GNAO1: variants seen among roughly 807,000 people sequenced by gnomAD.
The protein encoded by GNAO1 is guanine nucleotide-binding protein G(o) subunit alpha.
For missense variants in GNAO1, 166 were observed against 478.7 expected, an observed-to-expected ratio of 0.35 and a Z score of 6.10; for synonymous variants, 164 against 180.7, an observed-to-expected ratio of 0.91 and a Z score of 0.74.
In GNAO1 at chr16:56,192,285, A is replaced by G; in HGVS notation, c.50A>G (p.Lys17Arg). 1 of 1,611,638 alleles carries G rather than the reference A, an allele frequency of 6.2e-7. No individual in the cohort carries two copies. The highest frequency in any genetic ancestry group is 8.5e-7 in the Non-Finnish European group (1 of 1,178,868). The change falls in exon 1 of 9, where the codon AAG becomes AGG. Residue 17 changes from lysine (K) to arginine (R), a missense_variant. By Grantham distance (26) the Lys-to-Arg change is conservative (BLOSUM62 2). Coordinates refer to ENST00000262493, the MANE Select transcript of GNAO1 (RefSeq NM_020988.3). ...GAGAGAGCCGCCCTCGAGCGGAGCA[A>G]GGCGATTGAGAAAAACCTCAAAGAG... ...AEERAALERS[K>R]AIEKNLKEDG...
chr16:56,277,893 TC>T (rs2037078442), intron 3 of GNAO1, among the ~76,000 whole-genome samples: 1 of 150,226 alleles, frequency 6.7e-6, no homozygotes, highest in South Asian at 2.1e-4. Flanking sequence ...AGCCAGCTCT[TC>T]CTAAAAATCT....
chr16:56,326,967 G>A lies in GNAO1; in HGVS notation c.304-1664G>A, dbSNP rs1006887832. ...ATCATAGAGGCTGGGCCTGGAGTCC[G>A]AAGGCACCTCATCTTGAGTCCCACC... On this transcript the variant is annotated intron_variant, in intron 3 of 8. Coordinates refer to ENST00000262493, the MANE Select transcript of GNAO1 (RefSeq NM_020988.3). This position sits in a 1 kb window ranked among gnomAD's most constrained non-coding sequence, Gnocchi z 4.8. 1.3e-5 allele frequency among the ~76,000 whole-genome samples: 2 copies of A among 152,168 alleles called. No individual in the cohort carries two copies. The highest frequency in any genetic ancestry group is 1.9e-4 in the East Asian group (1 of 5,178).
At chr16:56,253,036 C>T (rs1160747583) in intron 2 of GNAO1, among the ~76,000 whole-genome samples, 1 of 152,220 alleles carries the variant, frequency 6.6e-6, no homozygotes, top group Admixed American at 6.5e-5. Context: ...GGGAGCTGCC[C>T]TCGGCTAACC....
At chr16:56,239,294 A>G (rs1161294948) in intron 2 of GNAO1, among the ~76,000 whole-genome samples, 2 of 152,238 alleles carry the variant, frequency 1.3e-5, no homozygotes, top group African/African-American at 4.8e-5. Flanking sequence ...AAACCATGCA[A>G]AGTTGCATTG....
At position 56,345,264 on chromosome 16, in the gene GNAO1, G is replaced by T. The variant is rs1024520583; in HGVS notation, c.724-6120G>T. The T allele has an allele frequency of 9.1e-6, 9 of 985,534 alleles. No individual in the cohort carries two copies. The African/African-American group carries it at 1.4e-4, about 15-fold the overall frequency. The allele number at this position is 985,534 out of a possible 1,614,324, so 61.0% of individuals were successfully genotyped here. A position where few individuals can be genotyped will look rare whatever the true frequency, so the allele number is the denominator to read the frequency against. On this transcript the variant is annotated intron_variant, in intron 6 of 8. Coordinates refer to ENST00000262493, the MANE Select transcript of GNAO1 (RefSeq NM_020988.3). ...CCACACCCAGGCCAGTCGTGTGCTT[G>T]TACAGCAGGCTGTGCCTGGGGACCT...
chr16:56,354,742 C>G lies in GNAO1; in HGVS notation c.878-124C>G. 3.3e-6 allele frequency: 2 copies of G among 612,598 alleles called. No individual in the cohort carries two copies. Among genetic ancestry groups the G allele is most frequent in the Non-Finnish European group, 5.8e-6 (2 of 342,584 alleles). The allele number at this position is 612,598 out of a possible 1,614,324, so 37.9% of individuals were successfully genotyped here. A position where few individuals can be genotyped will look rare whatever the true frequency, so the allele number is the denominator to read the frequency against. The stretch of plus-strand genomic sequence containing the variant: ...GAACTGCCCAGCAGTTCCTACTGCT[C>G]CCTTCCTGTCTCATCCCACTTCCTG... On this transcript the variant is annotated intron_variant, in intron 7 of 8. Coordinates refer to ENST00000262493, the MANE Select transcript of GNAO1 (RefSeq NM_020988.3). This position sits in a 1 kb window ranked among gnomAD's most constrained non-coding sequence, Gnocchi z 4.3.
At chr16:56,342,860 C>G (rs2143681478) in intron 6 of GNAO1, among the ~76,000 whole-genome samples, 1 of 152,336 alleles carries the variant, frequency 6.6e-6, no homozygotes, top group South Asian at 2.1e-4. Flanking sequence ...CACCTGTAAT[C>G]CCAGCACTTT....
At chr16:56,280,790 AG>A (rs1266157987) in intron 3 of GNAO1, among the ~76,000 whole-genome samples, 4 of 152,334 alleles carry the variant, frequency 2.6e-5, no homozygotes, top group Non-Finnish European at 5.9e-5. Context: ...GAAAGCCAGG[AG>A]GCCGGGTGGG....
chr16:56,347,400 G>A (rs7205545), intron 6 of GNAO1: 320,372 of 984,970 alleles, frequency 0.33, 53,880 homozygotes, highest in African/African-American at 0.55. Context: ...CAGGGCCGGC[G>A]TGTGAGCTGC....
At chr16:56,328,959 C>G in intron 4 of GNAO1, 168 bp downstream of exon 4, 1 of 640,836 alleles carries the variant, frequency 1.6e-6, no homozygotes, top group Non-Finnish European at 2.7e-6. Context: ...GAAGGGGCCT[C>G]TCTTCCTGCA....
At chr16:56,227,687 CAAAAAAAAA>C (rs386384777) in intron 2 of GNAO1, among the ~76,000 whole-genome samples, 2 of 61,954 alleles carry the variant, frequency 3.2e-5, no homozygotes, top group African/African-American at 6.1e-5. Context: ...GACCCTGTCT[CAAAAAAAAA>C]AAAAAAAAAA....
intron 6 of GNAO1, chr16:56,344,338 T>A: frequency 9.4e-7 from 1 of 1,064,450 alleles, no homozygotes; most frequent in African/African-American, 1.6e-5. Flanking sequence ...CAGATGGCCC[T>A]GCAGCAGGGT....
intron 2 of GNAO1, among the ~76,000 whole-genome samples, chr16:56,249,325 G>A (rs1220323838): frequency 6.6e-6 from 1 of 152,148 alleles, no homozygotes. Context: ...GAAGTTCATG[G>A]CAGGTGCTGC....
In GNAO1 at chr16:56,356,541, C is replaced by T. The variant is rs933982237; in HGVS notation, c.*467C>T. On this transcript the variant is annotated 3_prime_UTR_variant, in exon 9 of 9. Transcript: ENST00000262493. ...CCGGGCTTTCCAGAAGGCCACAGGC[C>T]ACTGCAAACCCTGCTGCCTGCCGGC... 6.6e-6 allele frequency: 1 copy of T among 152,594 alleles called. No individual in the cohort carries two copies. The allele number at this position is 152,594 out of a possible 1,614,324, so 9.5% of individuals were successfully genotyped here. A position where few individuals can be genotyped will look rare whatever the true frequency, so the allele number is the denominator to read the frequency against.
intron 3 of GNAO1, among the ~76,000 whole-genome samples, chr16:56,277,187 G>A (rs943671205): frequency 6.6e-6 from 1 of 152,240 alleles, no homozygotes; most frequent in South Asian, 2.1e-4. Context: ...GGGTATGTCC[G>A]AGGCCAGCCT....
At chr16:56,347,951 C>T (rs1208247631) in intron 6 of GNAO1, 38 of 961,746 alleles carry the variant, frequency 4.0e-5, no homozygotes, top group South Asian at 1.4e-4. Context: ...TTCCTCCCCA[C>T]GCACCCCCCT....
At chr16:56,238,835 A>T (rs2036666916) in intron 2 of GNAO1, among the ~76,000 whole-genome samples, 1 of 152,252 alleles carries the variant, frequency 6.6e-6, no homozygotes, top group South Asian at 2.1e-4. Context: ...CTCAGAGCGA[A>T]TCATAATTTG....
chr16:56,281,427 G>T (rs148647344), intron 3 of GNAO1, among the ~76,000 whole-genome samples: 99 of 152,042 alleles, frequency 6.5e-4, no homozygotes, highest in African/African-American at 2.3e-3. Flanking sequence ...CCACCCCAGC[G>T]AGCAAGGCTG....
chr16:56,266,818 G>A (rs550346729), intron 2 of GNAO1, among the ~76,000 whole-genome samples: 12 of 152,134 alleles, frequency 7.9e-5, no homozygotes, highest in Non-Finnish European at 1.6e-4. Flanking sequence ...GTGAATAGGA[G>A]ACTCAGGGTG....
Sources: allele counts gnomAD v4.1 joint callset (sites outside exome capture counted in the v4.1 genomes callset), GRCh38; gene constraint gnomAD v4.1.1; non-coding constraint Gnocchi (gnomAD v3.1); transcripts MANE v1.5; gene names NCBI Gene and HGNC (gene_info 2026-07-23, HGNC 2026-07-21).